The following TMEM116 variants were observed in gnomAD, a reference collection of about 807,000 sequenced individuals.
TMEM116 encodes transmembrane protein 116.
A neutral mutation model predicts 44.3 loss-of-function variants in TMEM116; 38 were observed. The observed-to-expected ratio is 0.86, with a 90% CI of 0.66 to 1.12. The LOEUF is 1.12. Among genes scored for constraint, TMEM116 ranks in the 50% most tolerant of loss-of-function variants. The pLI is 0.00. For missense variants in TMEM116, 354 were observed against 401.7 expected, an observed-to-expected ratio of 0.88 and a Z score of 1.01; for synonymous variants, 132 against 144.8, an observed-to-expected ratio of 0.91 and a Z score of 0.64.
intron 3 of TMEM116, chr12:112,003,570 A>C (rs1294527253): frequency 2.7e-6 from 1 of 376,340 alleles, no homozygotes; most frequent in African/African-American, 2.2e-5. Flanking sequence ...TCCGTCTCAA[A>C]AAAAAAAAAA....
chr12:111,945,241 G>A (rs1245545246), intron 4 of TMEM116, among the ~76,000 whole-genome samples: 2 of 150,130 alleles, frequency 1.3e-5, no homozygotes, highest in Admixed American at 6.7e-5. Flanking sequence ...CTACTTGGGA[G>A]GCTGAGGCAG....
At chr12:111,969,669 C>A (rs746241285) in intron 4 of TMEM116, among the ~76,000 whole-genome samples, 55 of 152,150 alleles carry the variant, frequency 3.6e-4, no homozygotes, top group Non-Finnish European at 7.5e-4. Context: ...GCTCCGCCTC[C>A]CGGGTTCACG....
intron 4 of TMEM116, among the ~76,000 whole-genome samples, chr12:111,974,916 T>A (rs1319891615): frequency 1.3e-5 from 2 of 152,124 alleles, no homozygotes; most frequent in African/African-American, 4.8e-5. Flanking sequence ...ATAAAAAATA[T>A]CAAATTCTTA....
rs867171571 is a variant in TMEM116, at chr12:111,979,519, T to C, written c.210+12239A>G. On this transcript the variant is annotated intron_variant, in intron 4 of 10. Transcript: ENST00000552374. ...GGGTACAGGGTTTCCTTTTAGTGTA[T>C]TGAAAATGTTTTGGAACTACATAAA... 4.1e-4 allele frequency among the ~76,000 whole-genome samples: 62 copies of C among 152,266 alleles called. No individual in the cohort carries two copies. In the Middle Eastern group the frequency reaches 0.024, roughly 58 times the overall value.
At chr12:111,978,436 C>CA (rs1441620117) in intron 4 of TMEM116, among the ~76,000 whole-genome samples, 1 of 151,894 alleles carries the variant, frequency 6.6e-6, no homozygotes, top group African/African-American at 2.4e-5. Flanking sequence ...ATGTTGTCTA[C>CA]AAAAAACTCA....
intron 3 of TMEM116, chr12:111,993,686 G>T: frequency 1.6e-6 from 1 of 608,968 alleles, no homozygotes. Flanking sequence ...AAGTTTGCCT[G>T]CTTTTAAGGT....
intron 3 of TMEM116, chr12:111,993,837 G>A (rs546288315): frequency 1.3e-6 from 1 of 748,672 alleles, no homozygotes; most frequent in African/African-American, 1.7e-5. Context: ...ATGATTCTGT[G>A]GTATCTGTGT....
At position 111,931,617 on chromosome 12, in the gene TMEM116, A is replaced by G. The variant is rs2071641670; in HGVS notation, c.*4T>C. ...CAGTTCCTGGATGTTCCAGTATTGT[A>G]GTTTCAAAAAATGGTAGAAGTACTG... On this transcript the variant is annotated 3_prime_UTR_variant, in exon 11 of 11. Transcript: ENST00000552374. The G allele has an allele frequency of 1.2e-6, 2 of 1,613,012 alleles. No individual in the cohort carries two copies. Among genetic ancestry groups the G allele is most frequent in the Non-Finnish European group, 8.5e-7 (1 of 1,179,080 alleles).
chr12:111,946,204 C>T (rs941233726), intron 4 of TMEM116, among the ~76,000 whole-genome samples: 5 of 152,132 alleles, frequency 3.3e-5, no homozygotes, highest in Admixed American at 6.6e-5. Context: ...CCATACATTC[C>T]CCTTGCCAAG....
chr12:111,932,489 C>T lies in TMEM116; in HGVS notation c.807+97G>A, dbSNP rs183116639. 8.1e-5 allele frequency: 82 copies of T among 1,011,710 alleles called. No individual in the cohort carries two copies. The Admixed American group carries it at 1.6e-3, about 19-fold the overall frequency. 62.7% of individuals were successfully genotyped at this position (1,011,710 alleles called of 1,614,324 possible). A position where few individuals can be genotyped will look rare whatever the true frequency, so the allele number is the denominator to read the frequency against. On this transcript the variant is annotated intron_variant, in intron 10 of 10. Coordinates refer to ENST00000552374, the MANE Select transcript of TMEM116 (RefSeq NM_001193531.2). ...TTTTCTCTTTTGCAATGTAGAAGTA[C>T]CCGGAGGGAAAAAATCATCCTTACC...
At chr12:111,984,420 G>A (rs2076109768) in intron 4 of TMEM116, among the ~76,000 whole-genome samples, 1 of 152,152 alleles carries the variant, frequency 6.6e-6, no homozygotes, top group African/African-American at 2.4e-5. Flanking sequence ...CAGAAGCTGG[G>A]AGGGGTAGTG....
intron 9 of TMEM116, among the ~76,000 whole-genome samples, chr12:111,932,907 C>G (rs138855381): frequency 2.0e-5 from 3 of 152,222 alleles, no homozygotes; most frequent in African/African-American, 7.2e-5. Flanking sequence ...ATAATTTATA[C>G]TTCCTATCAA....
chr12:111,958,316 C>T (rs1379226813), intron 4 of TMEM116, among the ~76,000 whole-genome samples: 1 of 148,186 alleles, frequency 6.7e-6, no homozygotes, highest in African/African-American at 2.5e-5. Flanking sequence ...AAATAGGAGG[C>T]CCACTCAGAG....
rs560359196 is a variant in TMEM116, at chr12:112,013,132, G to A, written c.-164C>T. ...TGCTATAGCGTCCCCATGCGCACTT[G>A]GCGCTTCTCCTCAAGCGGAGCAGGA... is the stretch of plus-strand genomic sequence containing the variant. On this transcript the variant is annotated 5_prime_UTR_variant, in exon 1 of 11. Coordinates refer to ENST00000552374, the MANE Select transcript of TMEM116 (RefSeq NM_001193531.2). 2.3e-5 allele frequency: 7 copies of A among 305,968 alleles called. No individual in the cohort carries two copies. Among genetic ancestry groups the A allele is most frequent in the East Asian group, 5.8e-5 (1 of 17,164 alleles). The allele number at this position is 305,968 out of a possible 1,614,324, so 19.0% of individuals were successfully genotyped here.
chr12:111,946,521 G>A lies in TMEM116; in HGVS notation c.211-3152C>T, dbSNP rs926438741. ...GCGCAGATCGCTCAGGATATTGTTT[G>A]TGGTTTAGGAACACCTTTAAGTGGT... On this transcript the variant is annotated intron_variant, in intron 4 of 10. Coordinates refer to ENST00000552374, the MANE Select transcript of TMEM116 (RefSeq NM_001193531.2). Among the ~76,000 whole-genome samples, 9 of 152,328 alleles carry A rather than the reference G, an allele frequency of 5.9e-5. No individual in the cohort carries two copies. The East Asian group carries it at 1.5e-3, about 26-fold the overall frequency.
Position 111,937,249 on chromosome 12 carries a change from AG to A in TMEM116, c.366-7del. ...TCAATAGCAGAGGTATCAGGCTGGG[AG>A]GGAAAAAAAGTATCACCCTAATATC... On this transcript the variant is annotated splice_region_variant and splice_polypyrimidine_tract_variant and intron_variant, in intron 6 of 10. Coordinates refer to ENST00000552374, the MANE Select transcript of TMEM116 (RefSeq NM_001193531.2). 1 of 1,610,768 alleles carries A rather than the reference AG, an allele frequency of 6.2e-7. No homozygotes were observed.
Position 112,013,144 on chromosome 12 carries a change from C to T in TMEM116, c.-176G>A. 3.1e-6 allele frequency: 1 copy of T among 326,142 alleles called. No homozygotes were observed. Among genetic ancestry groups the T allele is most frequent in the Non-Finnish European group, 5.6e-6 (1 of 177,038 alleles). The allele number at this position is 326,142 out of a possible 1,614,324, so 20.2% of individuals were successfully genotyped here. A position where few individuals can be genotyped will look rare whatever the true frequency, so the allele number is the denominator to read the frequency against. On this transcript the variant is annotated 5_prime_UTR_variant, in exon 1 of 11. Coordinates refer to ENST00000552374, the MANE Select transcript of TMEM116 (RefSeq NM_001193531.2). ...CCCATGCGCACTTGGCGCTTCTCCT[C>T]AAGCGGAGCAGGAACGGAACTGGGC...
intron 4 of TMEM116, among the ~76,000 whole-genome samples, chr12:111,946,181 CT>C (rs2073258026): frequency 6.6e-6 from 1 of 152,162 alleles, no homozygotes; most frequent in Non-Finnish European, 1.5e-5. Context: ...CATGCTTTTA[CT>C]TTTTCTAAAA....
chr12:111,998,543 C>T (rs1366061855), intron 3 of TMEM116, among the ~76,000 whole-genome samples: 2 of 152,182 alleles, frequency 1.3e-5, no homozygotes, highest in African/African-American at 4.8e-5. Context: ...TGAGGCTGGG[C>T]GCAGTGGCTC....
Sources: allele counts gnomAD v4.1 joint callset (sites outside exome capture counted in the v4.1 genomes callset), GRCh38; gene constraint gnomAD v4.1.1; transcripts MANE v1.5; gene names NCBI Gene and HGNC (gene_info 2026-07-23, HGNC 2026-07-21).